PCDHGA2: variants seen among roughly 807,000 people sequenced by gnomAD.
PCDHGA2 encodes protocadherin gamma subfamily A, 2, also known as protocadherin gamma-A2.
PCDHGA2 carries 40 observed loss-of-function variants against 59.2 expected under a neutral mutation model. The observed-to-expected ratio is 0.68, with a 90% CI of 0.52 to 0.88. PCDHGA2 has a LOEUF of 0.88. Among genes scored for constraint, PCDHGA2 ranks in the 40% least tolerant of loss-of-function variants. The pLI is 0.00. For synonymous variants in PCDHGA2, 560 were observed against 526.0 expected (o/e 1.06, Z -0.89); for missense variants, 1,226 against 1,204.0 (o/e 1.02, Z -0.27).
intron 1 of PCDHGA2, chr5:141,360,375 A>G (rs780377299): frequency 6.2e-7 from 1 of 1,613,872 alleles, no homozygotes; most frequent in Non-Finnish European, 8.5e-7. Context: ...TAAACCCAGA[A>G]AGCGGAGACT....
chr5:141,458,413 G>T lies in PCDHGA2; in HGVS notation c.2425-36394G>T, dbSNP rs138479316. On this transcript the variant is annotated intron_variant, in intron 1 of 3. Coordinates refer to ENST00000394576, the MANE Select transcript of PCDHGA2 (RefSeq NM_018915.4). ...TCCCCCTTGCAGAGACGGAGCGGGG[G>T]TTCCAAAGCTGAAAGAGGAGGTCCC... Among the ~76,000 whole-genome samples the T allele has an allele frequency of 9.0e-4, 137 of 152,196 alleles. 5 individuals carry two copies. The East Asian group carries it at 0.026, about 28-fold the overall frequency.
intron 1 of PCDHGA2, chr5:141,374,540 C>G: frequency 6.2e-7 from 1 of 1,613,264 alleles, no homozygotes; most frequent in Non-Finnish European, 8.5e-7. Context: ...CTCTCGTTTT[C>G]CACTAATGGA....
chr5:141,423,058 A>T (rs1235938743), intron 1 of PCDHGA2: 1 of 1,614,022 alleles, frequency 6.2e-7, no homozygotes, highest in Non-Finnish European at 8.5e-7. Context: ...TCGCCTGCTT[A>T]AGGCCAGCGA....
At position 141,490,044 on chromosome 5, in the gene PCDHGA2, T is replaced by C; in HGVS notation, c.2425-4763T>C. The C allele has an allele frequency of 1.2e-6, 2 of 1,614,192 alleles. No individual in the cohort carries two copies. Among genetic ancestry groups the C allele is most frequent in the Non-Finnish European group, 1.7e-6 (2 of 1,180,024 alleles). The stretch of plus-strand genomic sequence containing the variant: ...TGCTGCTCCGCCTCAATGCCACTGA[T>C]CCAGACGAGGGCACCAACGGCCAAC... On this transcript the variant is annotated intron_variant, in intron 1 of 3. Transcript: ENST00000394576. The surrounding 1 kb of genome is among the most constrained non-coding windows in gnomAD (Gnocchi z 5.4).
intron 1 of PCDHGA2, chr5:141,416,047 A>T (rs2095986655): frequency 1.6e-5 from 3 of 187,858 alleles, no homozygotes; most frequent in Non-Finnish European, 3.2e-5. Context: ...TGGAAACACA[A>T]CCCAAATCCA....
chr5:141,446,639 G>C (rs1461520959), intron 1 of PCDHGA2, among the ~76,000 whole-genome samples: 1 of 152,116 alleles, frequency 6.6e-6, no homozygotes, highest in Non-Finnish European at 1.5e-5. Context: ...ACCACGCCTG[G>C]CTAATTTTTG....
rs188091361 is a variant in PCDHGA2, at chr5:141,375,199, C to T, written c.2424+33804C>T. 47 of 1,613,924 alleles carry T rather than the reference C, an allele frequency of 2.9e-5. No individual in the cohort carries two copies. The South Asian group carries it at 4.7e-4, about 16-fold the overall frequency. ...CAGTAATCGCCCTTTTTCAAGTGTT[C>T]GATCGAGACTCTGGCCTGAATGGCC... On this transcript the variant is annotated intron_variant, in intron 1 of 3. Transcript: ENST00000394576.
At position 141,477,492 on chromosome 5, in the gene PCDHGA2, A is replaced by T; in HGVS notation, c.2425-17315A>T. ...AATGACAACCCTCCACAATCTTCTC[A>T]ATCTTCCTACGACGTTTACATTGAA... On this transcript the variant is annotated intron_variant, in intron 1 of 3. Coordinates refer to ENST00000394576, the MANE Select transcript of PCDHGA2 (RefSeq NM_018915.4). The surrounding 1 kb of genome is among the most constrained non-coding windows in gnomAD (Gnocchi z 4.9). The T allele has an allele frequency of 6.2e-7, 1 of 1,613,980 alleles. No individual in the cohort carries two copies. The highest frequency in any genetic ancestry group is 8.5e-7 in the Non-Finnish European group (1 of 1,179,958).
chr5:141,341,744 A>G, intron 1 of PCDHGA2: 1 of 437,424 alleles, frequency 2.3e-6, no homozygotes, highest in East Asian at 3.9e-5. Context: ...TGTTAAAAAT[A>G]TAAAGATTGG....
chr5:141,407,455 C>G (rs2094931708), intron 1 of PCDHGA2, among the ~76,000 whole-genome samples: 1 of 148,412 alleles, frequency 6.7e-6, no homozygotes, highest in African/African-American at 2.5e-5. Context: ...ACGAGGCTCA[C>G]CAGACAGATG....
chr5:141,421,265 T>G (rs2154549151), intron 1 of PCDHGA2: 1 of 1,596,914 alleles, frequency 6.3e-7, no homozygotes, highest in Non-Finnish European at 8.5e-7. Flanking sequence ...CGCAGTCGGC[T>G]GCTGCTGCTG....
At chr5:141,406,346 G>C (rs1296474677) in intron 1 of PCDHGA2, among the ~76,000 whole-genome samples, 1 of 152,092 alleles carries the variant, frequency 6.6e-6, no homozygotes, top group Non-Finnish European at 1.5e-5. Flanking sequence ...ATTTATTCAG[G>C]TCATACTATG....
In PCDHGA2 at chr5:141,383,030, T is replaced by C. The variant is rs756178371; in HGVS notation, c.2424+41635T>C. 2 of 1,613,742 alleles carry C rather than the reference T, an allele frequency of 1.2e-6. No individual in the cohort carries two copies. Among genetic ancestry groups the C allele is most frequent in the Non-Finnish European group, 1.7e-6 (2 of 1,179,874 alleles). ...TCGGAGGAGACGGACAAAGGGTCCT[T>C]TGTGGGAGACATCGCCAAGGACCTG... On this transcript the variant is annotated intron_variant, in intron 1 of 3. Coordinates refer to ENST00000394576, the MANE Select transcript of PCDHGA2 (RefSeq NM_018915.4).
chr5:141,383,504 G>A lies in PCDHGA2; in HGVS notation c.2424+42109G>A, dbSNP rs373658496. On this transcript the variant is annotated intron_variant, in intron 1 of 3. Coordinates refer to ENST00000394576, the MANE Select transcript of PCDHGA2 (RefSeq NM_018915.4). Reference sequence around the variant, plus strand: ...CTGGTGCTGGAGCGGGTGCTGGACCGGGAGGAAGAGCGGGTTCACCACCTG... The same window carrying A: ...CTGGTGCTGGAGCGGGTGCTGGACCAGGAGGAAGAGCGGGTTCACCACCTG... 1.3e-5 allele frequency: 21 copies of A among 1,612,648 alleles called. No homozygotes were observed. In the Admixed American group the frequency reaches 2.8e-4, roughly 22 times the overall value.
chr5:141,369,965 TA>T (rs2149954345), intron 1 of PCDHGA2, among the ~76,000 whole-genome samples: 1 of 152,346 alleles, frequency 6.6e-6, no homozygotes, highest in African/African-American at 2.4e-5. Flanking sequence ...CTTTGACAAG[TA>T]AAAGGTACTT....
intron 1 of PCDHGA2, chr5:141,399,349 C>G: frequency 6.2e-7 from 1 of 1,613,932 alleles, no homozygotes; most frequent in Non-Finnish European, 8.5e-7. Context: ...AACCCTAGAC[C>G]GAGAGCAAAC....
Position 141,341,077 on chromosome 5 carries a change from C to T in PCDHGA2, c.2106C>T (p.Cys702=). 8 of 1,614,196 alleles carry T rather than the reference C, an allele frequency of 5.0e-6. No homozygotes were observed. Among genetic ancestry groups the T allele is most frequent in the African/African-American group, 1.3e-5 (1 of 75,050 alleles). Residue 702 remains cysteine, a synonymous_variant, in exon 1 of 4, where the codon TGC becomes TGT. Coordinates refer to ENST00000394576, the MANE Select transcript of PCDHGA2 (RefSeq NM_018915.4). The stretch of plus-strand genomic sequence containing the variant: ...TGGTGGCGGTGGCCGCGGTCTCCTG[C>T]GTCTTCCTGGCCTTCGTCATCGTGT... ...YLVVAVAAVS[C]VFLAFVIVLL...
At chr5:141,345,679 A>C in intron 1 of PCDHGA2, 1 of 1,614,070 alleles carries the variant, frequency 6.2e-7, no homozygotes, top group South Asian at 1.1e-5. Flanking sequence ...GTGTCGCTGA[A>C]CCTGTTCGTG....
At chr5:141,348,048 C>T (rs1192119098) in intron 1 of PCDHGA2, among the ~76,000 whole-genome samples, 4 of 152,310 alleles carry the variant, frequency 2.6e-5, no homozygotes, top group South Asian at 2.1e-4. Context: ...GAATAGAAGT[C>T]CCTTCTTTTG....
Sources: allele counts gnomAD v4.1 joint callset (sites outside exome capture counted in the v4.1 genomes callset), GRCh38; gene constraint gnomAD v4.1.1; non-coding constraint Gnocchi (gnomAD v3.1); transcripts MANE v1.5; gene names NCBI Gene and HGNC (gene_info 2026-07-23, HGNC 2026-07-21).